The following HDAC9 variants were observed in gnomAD, a reference collection of about 807,000 sequenced individuals.
HDAC9 encodes the protein histone deacetylase 9, also known as MEF-2 interacting transcription repressor (MITR) protein.
In HDAC9, 41 loss-of-function variants were observed where a neutral mutation model predicts 139.4. That is an observed-to-expected ratio of 0.29 (90% CI 0.23 to 0.38). The LOEUF is 0.38. Ranked by LOEUF, HDAC9 falls within the 10% of genes least tolerant of loss-of-function variation. HDAC9 has a pLI of 1.00. For missense variants in HDAC9, 1,147 were observed against 1,297.0 expected, an observed-to-expected ratio of 0.88 and a Z score of 1.78; for synonymous variants, 517 against 476.2, an observed-to-expected ratio of 1.09 and a Z score of -1.12.
intron 25 of HDAC9, among the ~76,000 whole-genome samples, chr7:18,982,477 A>G (rs961219928): frequency 3.3e-5 from 5 of 152,064 alleles, no homozygotes; most frequent in Admixed American, 2.6e-4. Context: ...GTTTCCAACA[A>G]TGACCTTAAT....
At chr7:18,547,391 C>T (rs1489278812) in intron 2 of HDAC9, among the ~76,000 whole-genome samples, 2 of 152,110 alleles carry the variant, frequency 1.3e-5, no homozygotes, top group Non-Finnish European at 1.5e-5. Context: ...ACCTGCAACC[C>T]CGCCCGGCTA....
chr7:18,110,251 T>C (rs1783519509), intron 1 of HDAC9, among the ~76,000 whole-genome samples: 1 of 152,198 alleles, frequency 6.6e-6, no homozygotes, highest in South Asian at 2.1e-4. Flanking sequence ...TTGGTAGATA[T>C]AGTCTATTTT....
chr7:18,502,862 G>A (rs1424622768), intron 2 of HDAC9, among the ~76,000 whole-genome samples: 4 of 152,170 alleles, frequency 2.6e-5, no homozygotes, highest in East Asian at 3.9e-4. Context: ...CGTGAATAGA[G>A]TATTCCTTTA....
intron 22 of HDAC9, among the ~76,000 whole-genome samples, chr7:18,902,743 TAAAC>T (rs1428398318): frequency 2.6e-5 from 4 of 152,168 alleles, no homozygotes; most frequent in Non-Finnish European, 5.9e-5. Context: ...AATTAGCACA[TAAAC>T]AAATAAGGAA....
chr7:18,712,385 G>C (rs1268073175), intron 12 of HDAC9, among the ~76,000 whole-genome samples: 1 of 152,172 alleles, frequency 6.6e-6, no homozygotes, highest in Non-Finnish European at 1.5e-5. Flanking sequence ...TAAACAAACA[G>C]CAGTGCATAG....
intron 22 of HDAC9, among the ~76,000 whole-genome samples, chr7:18,921,456 A>T (rs1803716149): frequency 6.6e-6 from 1 of 152,226 alleles, no homozygotes. Flanking sequence ...ACATTTATGC[A>T]GCCAAAACAC....
chr7:18,097,544 C>G (rs1450905667), intron 1 of HDAC9, among the ~76,000 whole-genome samples: 1 of 150,766 alleles, frequency 6.6e-6, no homozygotes, highest in Non-Finnish European at 1.5e-5. Flanking sequence ...CCCTAATAAA[C>G]CATTTAAACT....
chr7:18,712,344 A>G (rs944214824), intron 12 of HDAC9, among the ~76,000 whole-genome samples: 2 of 152,148 alleles, frequency 1.3e-5, no homozygotes, highest in African/African-American at 4.8e-5. Flanking sequence ...TAGAGAAGGG[A>G]TGGGCTCTAG....
Position 18,245,985 on chromosome 7 carries a change from AGTCTAT to A in HDAC9, c.25+83639_25+83644del, listed in dbSNP as rs1343764659. 4.0e-5 allele frequency among the ~76,000 whole-genome samples: 6 copies of A among 151,866 alleles called. No homozygotes were observed. In the East Asian group the frequency reaches 1.2e-3, roughly 29 times the overall value. On this transcript the variant is annotated intron_variant, in intron 2 of 12. Transcript: ENST00000417496. ...AGCATTAATTCACAGATAATCACTG[AGTCTAT>A]GTACCAGGTGCTTATCTGGGCACTT...
intron 22 of HDAC9, among the ~76,000 whole-genome samples, chr7:18,932,780 C>T (rs748678571): frequency 1.5e-4 from 18 of 122,442 alleles, no homozygotes; most frequent in Admixed American, 7.1e-4. Context: ...AGAGAAAGAA[C>T]GTAAGAGAGA....
intron 25 of HDAC9, among the ~76,000 whole-genome samples, chr7:18,988,688 G>T (rs1785593198): frequency 6.6e-6 from 1 of 151,326 alleles, no homozygotes; most frequent in Non-Finnish European, 1.5e-5. Flanking sequence ...TTATTAATGT[G>T]TGGGAGTCTA....
At chr7:18,538,854 A>T (rs1042938969) in intron 2 of HDAC9, among the ~76,000 whole-genome samples, 2 of 152,192 alleles carry the variant, frequency 1.3e-5, no homozygotes, top group Non-Finnish European at 2.9e-5. Context: ...ATAGAAAAAA[A>T]GAAATATATT....
At chr7:18,813,329 A>G (rs1481145480) in intron 17 of HDAC9, among the ~76,000 whole-genome samples, 1 of 152,136 alleles carries the variant, frequency 6.6e-6, no homozygotes. Flanking sequence ...AAAGGAAAAC[A>G]TGCTTCTCTG....
intron 25 of HDAC9, among the ~76,000 whole-genome samples, chr7:18,986,893 C>T (rs1483174623): frequency 6.6e-6 from 1 of 152,092 alleles, no homozygotes; most frequent in African/African-American, 2.4e-5. Flanking sequence ...TATAAGAATG[C>T]TTGTGATTTT....
intron 1 of HDAC9, among the ~76,000 whole-genome samples, chr7:18,136,935 A>G (rs1367230364): frequency 4.0e-5 from 6 of 150,944 alleles, no homozygotes; most frequent in Non-Finnish European, 7.4e-5. Flanking sequence ...CCTATCCATG[A>G]GCATGGAATG....
At chr7:18,554,908 G>A (rs77212835) in intron 2 of HDAC9, among the ~76,000 whole-genome samples, 2,860 of 152,158 alleles carry the variant, frequency 0.019, 97 homozygotes, top group African/African-American at 0.065. Flanking sequence ...TATCTTCTCA[G>A]TAGCTTCTAT....
At chr7:18,806,756 A>T (rs1223752170) in intron 17 of HDAC9, among the ~76,000 whole-genome samples, 1 of 152,150 alleles carries the variant, frequency 6.6e-6, no homozygotes, top group Admixed American at 6.5e-5. Flanking sequence ...TTTATCCTTC[A>T]TCCTGTTACT....
At chr7:18,425,758 G>T (rs560358487) in intron 1 of HDAC9, among the ~76,000 whole-genome samples, 1 of 152,110 alleles carries the variant, frequency 6.6e-6, no homozygotes, top group Non-Finnish European at 1.5e-5. Context: ...AGCAGGCTTC[G>T]TGCAAGGTTT....
At chr7:18,279,597 C>A (rs2128219063) in intron 2 of HDAC9, among the ~76,000 whole-genome samples, 1 of 152,058 alleles carries the variant, frequency 6.6e-6, no homozygotes, top group Middle Eastern at 3.4e-3. Flanking sequence ...TCCTGAGTAG[C>A]TGGGACTACA....
Sources: gnomAD v4.1 joint callset for allele counts (sites outside exome capture counted in the v4.1 genomes callset) on GRCh38, gnomAD v4.1.1 for gene constraint, MANE v1.5 for transcripts, NCBI Gene and HGNC (gene_info 2026-07-23, HGNC 2026-07-21) for gene names.